Variants in ARFIP1 observed in about 807,000 individuals in gnomAD.
ARFIP1 encodes the protein arfaptin-1.
In ARFIP1, 24 loss-of-function variants were observed where a neutral mutation model predicts 42.5. The ratio of observed to expected loss-of-function variants is 0.57; its 90% confidence interval spans 0.41 to 0.80. ARFIP1 has a LOEUF of 0.80. ARFIP1 is among the 30% of genes least tolerant of loss of function. The pLI is 0.00. For missense variants in ARFIP1, 354 were observed against 434.0 expected (o/e 0.82, Z 1.64); for synonymous variants, 141 against 153.7 (o/e 0.92, Z 0.61).
intron 1 of ARFIP1, among the ~76,000 whole-genome samples, chr4:152,802,209 G>T (rs1431754722): frequency 6.6e-6 from 1 of 152,058 alleles, no homozygotes; most frequent in Non-Finnish European, 1.5e-5. Flanking sequence ...GTGTTTTTTG[G>T]TATTGGAACA....
chr4:152,875,265 T>C lies in ARFIP1; in HGVS notation c.411+2701T>C, dbSNP rs74712161. ...TTGAATCCAAAATCTATTTTCTTAT[T>C]TATTTTCATCTACAGAAATAGTTGA... On this transcript the variant is annotated intron_variant, in intron 5 of 8. Coordinates refer to ENST00000353617, the MANE Select transcript of ARFIP1 (RefSeq NM_001025595.3). Among the ~76,000 whole-genome samples, 13 of 152,120 alleles carry C rather than the reference T, an allele frequency of 8.5e-5. No homozygotes were observed. The East Asian group carries it at 2.3e-3, about 27-fold the overall frequency.
At chr4:152,874,927 T>C (rs1319954499) in intron 5 of ARFIP1, among the ~76,000 whole-genome samples, 2 of 152,124 alleles carry the variant, frequency 1.3e-5, no homozygotes, top group Non-Finnish European at 2.9e-5. Flanking sequence ...CCTCCCAAAG[T>C]GCAGGGACTT....
chr4:152,894,269 CT>C (rs750502882), intron 8 of ARFIP1, among the ~76,000 whole-genome samples: 175 of 150,922 alleles, frequency 1.2e-3, no homozygotes, highest in Non-Finnish European at 1.8e-3. Context: ...TAAAAATACA[CT>C]AAAGGTTTGG....
chr4:152,809,545 G>A (rs933547567), intron 1 of ARFIP1: 9 of 152,172 alleles, frequency 5.9e-5, no homozygotes, highest in African/African-American at 2.2e-4. Flanking sequence ...TCGTTGGCAT[G>A]TACAAATGGA....
chr4:152,804,092 A>AAT (rs1185434075), intron 1 of ARFIP1, among the ~76,000 whole-genome samples: 2 of 86,766 alleles, frequency 2.3e-5, no homozygotes, highest in East Asian at 3.2e-4. Flanking sequence ...AATATAACGT[A>AAT]ATATATATTA....
chr4:152,823,708 C>T (rs1308375128), intron 1 of ARFIP1, among the ~76,000 whole-genome samples: 3 of 125,076 alleles, frequency 2.4e-5, no homozygotes, highest in Admixed American at 2.0e-4. Flanking sequence ...ACCCAGGAGG[C>T]GGAGGCTCCA....
At chr4:152,829,585 TGGTATTA>T (rs1731106660) in intron 1 of ARFIP1, 33 bp from the exon 2 acceptor site, 3 of 1,361,982 alleles carry the variant, frequency 2.2e-6, no homozygotes, top group Non-Finnish European at 3.1e-6. Context: ...CTTTATGATT[TGGTATTA>T]GTTACGGCGC....
intron 2 of ARFIP1, among the ~76,000 whole-genome samples, chr4:152,839,124 A>G (rs997535885): frequency 6.6e-6 from 1 of 152,170 alleles, no homozygotes; most frequent in Non-Finnish European, 1.5e-5. Context: ...CATCTCTGGT[A>G]TGAAACCCAC....
intron 8 of ARFIP1, among the ~76,000 whole-genome samples, chr4:152,894,692 CAAAA>C (rs1481976493): frequency 6.6e-6 from 1 of 152,200 alleles, no homozygotes; most frequent in Non-Finnish European, 1.5e-5. Context: ...GTGCTGGACA[CAAAA>C]GAACCTGCCT....
At chr4:152,829,534 T>C in intron 1 of ARFIP1, 91 bp from the exon 2 acceptor site, 2 of 732,194 alleles carry the variant, frequency 2.7e-6, no homozygotes, top group Non-Finnish European at 4.3e-6. Flanking sequence ...ATAAAAAATA[T>C]TAAAACGGTG....
intron 8 of ARFIP1, among the ~76,000 whole-genome samples, chr4:152,889,618 ATATATAC>A (rs1736584684): frequency 7.8e-6 from 1 of 128,846 alleles, no homozygotes; most frequent in South Asian, 2.2e-4. Flanking sequence ...ATATATACAT[ATATATAC>A]TATATAGTAT....
chr4:152,842,894 C>G (rs369299547), intron 2 of ARFIP1, among the ~76,000 whole-genome samples: 16 of 152,050 alleles, frequency 1.1e-4, no homozygotes, highest in African/African-American at 3.9e-4. Flanking sequence ...AGCTTAATAA[C>G]TAACCTCCTG....
At chr4:152,869,991 C>T (rs919653466) in intron 3 of ARFIP1, among the ~76,000 whole-genome samples, 7 of 152,050 alleles carry the variant, frequency 4.6e-5, no homozygotes, top group Admixed American at 2.6e-4. Context: ...TTTTGAGTAT[C>T]GCAGGTATGT....
intron 3 of ARFIP1, among the ~76,000 whole-genome samples, chr4:152,867,082 C>G (rs1022945309): frequency 5.9e-5 from 9 of 151,780 alleles, no homozygotes; most frequent in Admixed American, 1.3e-4. Flanking sequence ...CTCCTCACTT[C>G]CCAGACGGGG....
At chr4:152,847,506 T>G (rs1173628441) in intron 2 of ARFIP1, among the ~76,000 whole-genome samples, 2 of 152,036 alleles carry the variant, frequency 1.3e-5, no homozygotes, top group African/African-American at 4.8e-5. Flanking sequence ...ATCTCAGTTT[T>G]TTACAGCAAA....
At chr4:152,849,848 G>A (rs956537839) in intron 2 of ARFIP1, among the ~76,000 whole-genome samples, 6 of 152,206 alleles carry the variant, frequency 3.9e-5, no homozygotes, top group African/African-American at 1.4e-4. Context: ...AGGTCTAAGA[G>A]TGGCAATTTG....
chr4:152,865,781 T>C (rs1451143542), intron 3 of ARFIP1, among the ~76,000 whole-genome samples: 1 of 152,230 alleles, frequency 6.6e-6, no homozygotes, highest in Non-Finnish European at 1.5e-5. Flanking sequence ...TTACTTTGCA[T>C]AATTTGGTAC....
At chr4:152,803,735 A>G (rs1271659928) in intron 1 of ARFIP1, among the ~76,000 whole-genome samples, 1 of 151,914 alleles carries the variant, frequency 6.6e-6, no homozygotes, top group Non-Finnish European at 1.5e-5. Flanking sequence ...AGGTTCCTGG[A>G]TGCAGCTGTC....
chr4:152,887,628 AATT>A (rs944116643), intron 7 of ARFIP1, among the ~76,000 whole-genome samples: 10 of 152,094 alleles, frequency 6.6e-5, no homozygotes, highest in Non-Finnish European at 1.0e-4. Flanking sequence ...AGGTGAAATT[AATT>A]ATTATTTCAT....
Sources: allele counts gnomAD v4.1 joint callset (sites outside exome capture counted in the v4.1 genomes callset), GRCh38; gene constraint gnomAD v4.1.1; transcripts MANE v1.5; gene names NCBI Gene and HGNC (gene_info 2026-07-23, HGNC 2026-07-21).